SNX29: variants seen among roughly 807,000 people sequenced by gnomAD.
SNX29 encodes the protein sorting nexin 29.
A neutral mutation model predicts 102.1 loss-of-function variants in SNX29; 78 were observed. The ratio of observed to expected loss-of-function variants is 0.76; its 90% confidence interval spans 0.64 to 0.92. The LOEUF (loss-of-function observed/expected upper bound fraction) is 0.92. Among genes scored for constraint, SNX29 ranks in the 40% least tolerant of loss-of-function variants. The probability of loss-of-function intolerance (pLI) is 0.00; values close to 1 mark genes in which losing one functional copy is unlikely to be tolerated. For missense variants in SNX29, 1,280 were observed against 1,061.7 expected, an observed-to-expected ratio of 1.21 and a Z score of -2.86; for synonymous variants, 580 against 414.5, an observed-to-expected ratio of 1.40 and a Z score of -4.85.
intron 11 of SNX29, among the ~76,000 whole-genome samples, chr16:12,094,299 A>C (rs1284176027): frequency 2.0e-5 from 3 of 152,218 alleles, no homozygotes; most frequent in African/African-American, 7.2e-5. Context: ...AATCCAAGAG[A>C]GTATCTGGCA....
intron 19 of SNX29, among the ~76,000 whole-genome samples, chr16:12,482,095 A>G (rs1235469208): frequency 6.6e-6 from 1 of 152,142 alleles, no homozygotes; most frequent in Non-Finnish European, 1.5e-5. Flanking sequence ...ATATCCCAAG[A>G]GCAAAATTTT....
At chr16:12,527,865 G>C (rs4781245) in intron 20 of SNX29, among the ~76,000 whole-genome samples, 91,561 of 147,650 alleles carry the variant, frequency 0.62, 31,325 homozygotes, top group East Asian at 1. Flanking sequence ...CGCTCTGTCG[G>C]CCAAACTGGA....
intron 4 of SNX29, among the ~76,000 whole-genome samples, chr16:12,041,099 G>A (rs977999365): frequency 1.1e-4 from 16 of 152,052 alleles, no homozygotes; most frequent in African/African-American, 2.2e-4. Context: ...GAGCTACCGC[G>A]CCATCCTGTT....
chr16:12,066,450 A>T (rs2051040883), intron 9 of SNX29, among the ~76,000 whole-genome samples: 1 of 152,166 alleles, frequency 6.6e-6, no homozygotes, highest in African/African-American at 2.4e-5. Flanking sequence ...GAGGGTCAGG[A>T]TCTGTTGGTA....
intron 20 of SNX29, among the ~76,000 whole-genome samples, chr16:12,546,018 A>C (rs1165670105): frequency 1.3e-5 from 2 of 152,038 alleles, no homozygotes; most frequent in Non-Finnish European, 2.9e-5. Flanking sequence ...AACAGAAAAC[A>C]AAAAAACCCA....
At chr16:12,121,532 A>G (rs561842371) in intron 11 of SNX29, among the ~76,000 whole-genome samples, 61 of 152,330 alleles carry the variant, frequency 4.0e-4, no homozygotes, top group African/African-American at 1.4e-3. Context: ...TGAGGAGTTC[A>G]CTGAGTCACC....
intron 16 of SNX29, among the ~76,000 whole-genome samples, chr16:12,378,715 G>A (rs114704263): frequency 0.028 from 4,320 of 152,236 alleles, 150 homozygotes; most frequent in African/African-American, 0.083. Context: ...AGCAGCAAGT[G>A]TCAGCTTCAC....
chr16:12,118,130 G>C (rs2053812190), intron 11 of SNX29, among the ~76,000 whole-genome samples: 1 of 151,848 alleles, frequency 6.6e-6, no homozygotes, highest in African/African-American at 2.4e-5. Flanking sequence ...ACTTTCAGCT[G>C]TGCCACCGCT....
At position 12,572,150 on chromosome 16, in the gene SNX29, A is replaced by C; in HGVS notation, c.*3521A>C. Reference sequence around the variant, plus strand: ...CTGCTTCATACTTTGGAGCTTATTAAGATCAATTTTGATAACCATGTAATT... The same window carrying C: ...CTGCTTCATACTTTGGAGCTTATTACGATCAATTTTGATAACCATGTAATT... On this transcript the variant is annotated 3_prime_UTR_variant, in exon 21 of 21. Coordinates refer to ENST00000566228, the MANE Select transcript of SNX29 (RefSeq NM_032167.5). The C allele has an allele frequency of 1.0e-6, 1 of 996,746 alleles. No individual in the cohort carries two copies. The highest frequency in any genetic ancestry group is 1.2e-6 in the Non-Finnish European group (1 of 817,376). The allele number at this position is 996,746 out of a possible 1,614,324, so 61.7% of individuals were successfully genotyped here.
intron 14 of SNX29, among the ~76,000 whole-genome samples, chr16:12,215,260 T>TGAG (rs1245095815): frequency 1.3e-5 from 2 of 148,922 alleles, no homozygotes; most frequent in Non-Finnish European, 3.0e-5. Flanking sequence ...TTTGAGAGGC[T>TGAG]GAGGTAGGAG....
At chr16:12,249,094 G>A (rs76927701) in intron 14 of SNX29, among the ~76,000 whole-genome samples, 12 of 152,126 alleles carry the variant, frequency 7.9e-5, no homozygotes, top group African/African-American at 2.4e-4. Context: ...TCCGATTTTG[G>A]TTACTAACAA....
intron 16 of SNX29, among the ~76,000 whole-genome samples, chr16:12,370,566 A>G (rs1042116874): frequency 2.6e-4 from 39 of 152,196 alleles, no homozygotes; most frequent in African/African-American, 7.2e-4. Flanking sequence ...TCTCAAAACA[A>G]ATAAATGAAG....
At chr16:12,347,559 T>A (rs944214352) in intron 15 of SNX29, among the ~76,000 whole-genome samples, 3 of 152,128 alleles carry the variant, frequency 2.0e-5, no homozygotes, top group African/African-American at 7.2e-5. Context: ...GCCTCAGTTT[T>A]CCTTATCTGT....
At chr16:12,180,951 T>TC (rs1301684790) in intron 13 of SNX29, among the ~76,000 whole-genome samples, 1 of 152,158 alleles carries the variant, frequency 6.6e-6, no homozygotes, top group Non-Finnish European at 1.5e-5. Flanking sequence ...ATCTTCTTTT[T>TC]CCCTCTTCTC....
intron 3 of SNX29, among the ~76,000 whole-genome samples, chr16:12,016,500 T>C (rs527770936): frequency 6.6e-6 from 1 of 152,212 alleles, no homozygotes; most frequent in Non-Finnish European, 1.5e-5. Flanking sequence ...TAGTTAGTTT[T>C]ATCTAGAGCG....
chr16:11,996,738 T>G (rs2056088081), intron 1 of SNX29, among the ~76,000 whole-genome samples: 1 of 152,054 alleles, frequency 6.6e-6, no homozygotes, highest in African/African-American at 2.4e-5. Context: ...AAGATCAGAA[T>G]CCAAACCCTG....
rs1449808618 is a variant in SNX29, at chr16:12,568,323, A to AAAAT, written c.2319-183_2319-182insAAAT. Among the ~76,000 whole-genome samples the AAAAT allele has an allele frequency of 5.6e-4, 84 of 150,372 alleles. 1 individual carries two copies. The highest frequency in any genetic ancestry group is 2.0e-3 in the African/African-American group (80 of 40,094). The stretch of plus-strand genomic sequence containing the variant: ...TGCTGTTAAAAAAAAAAAAATGGAA[A>AAAAT]GGTTTACGTGACAATAGGGGTTTCT... On this transcript the variant is annotated intron_variant, in intron 20 of 20. Transcript: ENST00000566228.
intron 10 of SNX29, among the ~76,000 whole-genome samples, chr16:12,074,031 C>G (rs1459574209): frequency 6.6e-6 from 1 of 151,966 alleles, no homozygotes; most frequent in Non-Finnish European, 1.5e-5. Flanking sequence ...GGTGGCTCTT[C>G]CTCCATCCTT....
intron 10 of SNX29, among the ~76,000 whole-genome samples, chr16:12,078,315 A>G (rs1277583436): frequency 6.6e-6 from 1 of 152,054 alleles, no homozygotes; most frequent in East Asian, 1.9e-4. Flanking sequence ...TTTCTAGTAA[A>G]AATACAAGAA....
Sources: allele counts gnomAD v4.1 joint callset (sites outside exome capture counted in the v4.1 genomes callset), GRCh38; gene constraint gnomAD v4.1.1; transcripts MANE v1.5; gene names NCBI Gene and HGNC (gene_info 2026-07-23, HGNC 2026-07-21).